The following PAX5 variants were observed in gnomAD, a reference collection of about 807,000 sequenced individuals.
PAX5 encodes the protein paired box 5.
Under a neutral mutation model 43.7 loss-of-function variants are expected in PAX5, and 9 were observed. The observed-to-expected ratio is 0.21, with a 90% CI of 0.12 to 0.36. PAX5 has a LOEUF of 0.36. PAX5 is among the 10% of genes least tolerant of loss of function. The pLI is 1.00. For missense variants in PAX5, 383 were observed against 532.7 expected (o/e 0.72, Z 2.77); for synonymous variants, 228 against 214.3 (o/e 1.06, Z -0.56).
chr9:36,959,192 T>C (rs1833751600), intron 6 of PAX5, among the ~76,000 whole-genome samples: 2 of 152,382 alleles, frequency 1.3e-5, no homozygotes, highest in South Asian at 2.1e-4. Flanking sequence ...CAGACCCTTC[T>C]CATTCTTCTT....
intron 7 of PAX5, among the ~76,000 whole-genome samples, chr9:36,913,406 G>C (rs937000650): frequency 6.6e-6 from 1 of 152,250 alleles, no homozygotes; most frequent in Non-Finnish European, 1.5e-5. Context: ...CAGGCAAAAG[G>C]TCAGGTGGAC....
In PAX5 at chr9:36,882,866, T is replaced by C. The variant is rs763175356; in HGVS notation, c.911-761A>G. Among the ~76,000 whole-genome samples, 4 of 152,228 alleles carry C rather than the reference T, an allele frequency of 2.6e-5. No individual in the cohort carries two copies. The highest frequency in any genetic ancestry group is 5.9e-5 in the Non-Finnish European group (4 of 68,038). Reference sequence around the variant, plus strand: ...TGACCATGAGTCCAGAGTGTCCATGTGTCTCTCAGCTGGGACACTGTCACC... The same window carrying C: ...TGACCATGAGTCCAGAGTGTCCATGCGTCTCTCAGCTGGGACACTGTCACC... On this transcript the variant is annotated intron_variant, in intron 7 of 9. Transcript: ENST00000358127. This position sits in a 1 kb window ranked among gnomAD's most constrained non-coding sequence, Gnocchi z 4.4.
At chr9:36,935,846 G>A (rs1352766812) in intron 6 of PAX5, among the ~76,000 whole-genome samples, 2 of 152,242 alleles carry the variant, frequency 1.3e-5, no homozygotes, top group African/African-American at 4.8e-5. Context: ...GGTCCTGGGT[G>A]TGCTCTCTGG....
chr9:36,928,821 AAAG>A (rs1166964576), intron 6 of PAX5, among the ~76,000 whole-genome samples: 1 of 152,204 alleles, frequency 6.6e-6, no homozygotes, highest in Non-Finnish European at 1.5e-5. Context: ...ACAGCCATAA[AAAG>A]AAGATTGTTT....
At chr9:36,973,145 G>GAAAGA (rs2132234025) in intron 5 of PAX5, among the ~76,000 whole-genome samples, 15 of 109,200 alleles carry the variant, frequency 1.4e-4, no homozygotes, top group African/African-American at 5.1e-4. Flanking sequence ...AAAAGGAAAG[G>GAAAGA]AAAGGAAAGG....
At chr9:36,978,441 G>A (rs1010217268) in intron 5 of PAX5, among the ~76,000 whole-genome samples, 2 of 152,140 alleles carry the variant, frequency 1.3e-5, no homozygotes, top group African/African-American at 4.8e-5. Flanking sequence ...TGGAAGGGAT[G>A]CATACATCCC....
chr9:36,964,835 C>T (rs1253490222), intron 6 of PAX5, among the ~76,000 whole-genome samples: 1 of 152,114 alleles, frequency 6.6e-6, no homozygotes, highest in Non-Finnish European at 1.5e-5. Flanking sequence ...TGCCCAGCAC[C>T]ATAACCATGT....
At chr9:36,945,625 G>A (rs985021867) in intron 6 of PAX5, among the ~76,000 whole-genome samples, 5 of 152,174 alleles carry the variant, frequency 3.3e-5, no homozygotes, top group African/African-American at 1.2e-4. Context: ...TTTAACACAA[G>A]AAACAGATCC....
chr9:36,979,879 G>T (rs917631018), intron 5 of PAX5, among the ~76,000 whole-genome samples: 1 of 152,172 alleles, frequency 6.6e-6, no homozygotes, highest in African/African-American at 2.4e-5. Context: ...ACAGCTCCTT[G>T]TGCAGCTTGG....
intron 5 of PAX5, among the ~76,000 whole-genome samples, chr9:36,976,609 T>G (rs1835449988): frequency 6.8e-6 from 1 of 147,852 alleles, no homozygotes; most frequent in Non-Finnish European, 1.5e-5. Flanking sequence ...AAACTGGGGC[T>G]GCAGACTAAG....
intron 6 of PAX5, among the ~76,000 whole-genome samples, chr9:36,944,536 C>T (rs1832338498): frequency 6.6e-6 from 1 of 152,150 alleles, no homozygotes. Context: ...AGGCCCTCCC[C>T]ACTGCCAGCT....
At chr9:37,029,686 G>A (rs1474474595) in intron 1 of PAX5, among the ~76,000 whole-genome samples, 2 of 152,080 alleles carry the variant, frequency 1.3e-5, no homozygotes, top group Non-Finnish European at 2.9e-5. Flanking sequence ...ACACCTACTG[G>A]AGAGGCGGGA....
chr9:36,842,758 C>G (rs562887275), intron 9 of PAX5, among the ~76,000 whole-genome samples: 1 of 152,302 alleles, frequency 6.6e-6, no homozygotes, highest in African/African-American at 2.4e-5. Context: ...TTGACCGCAG[C>G]CGGCCTTTCT....
chr9:36,881,041 T>C (rs971413639), intron 8 of PAX5, among the ~76,000 whole-genome samples: 1 of 152,202 alleles, frequency 6.6e-6, no homozygotes, highest in Non-Finnish European at 1.5e-5. Flanking sequence ...CATTGCATAT[T>C]TCCAACAGCT....
At chr9:36,881,852 G>A in intron 8 of PAX5, 152 bp downstream of exon 8, 1 of 663,864 alleles carries the variant, frequency 1.5e-6, no homozygotes, top group Non-Finnish European at 2.6e-6. Flanking sequence ...GCCCACTGCA[G>A]GCCCAGCTGC....
chr9:36,961,921 T>A (rs1834013791), intron 6 of PAX5, among the ~76,000 whole-genome samples: 2 of 152,192 alleles, frequency 1.3e-5, no homozygotes, highest in African/African-American at 4.8e-5. Flanking sequence ...GAAAACAGAA[T>A]TGCTTTTTCA....
intron 7 of PAX5, among the ~76,000 whole-genome samples, chr9:36,919,106 C>T (rs1473645062): frequency 6.6e-6 from 1 of 152,146 alleles, no homozygotes; most frequent in Non-Finnish European, 1.5e-5. Flanking sequence ...GCTCCTATAT[C>T]ATTCCAAAAA....
chr9:37,019,307 C>T (rs10814501), intron 2 of PAX5, among the ~76,000 whole-genome samples: 76,988 of 151,984 alleles, frequency 0.51, 20,493 homozygotes, highest in Middle Eastern at 0.76. Context: ...AACAAGAAAA[C>T]CATGTTAATG....
chr9:36,991,436 C>T (rs1836929006), intron 5 of PAX5, among the ~76,000 whole-genome samples: 1 of 152,046 alleles, frequency 6.6e-6, no homozygotes, highest in Admixed American at 6.6e-5. Flanking sequence ...GTGACTTGGC[C>T]AAGGTCACAC....
Sources: gnomAD v4.1 joint callset for allele counts (sites outside exome capture counted in the v4.1 genomes callset) on GRCh38, gnomAD v4.1.1 for gene constraint, Gnocchi (gnomAD v3.1) non-coding constraint, MANE v1.5 for transcripts, NCBI Gene and HGNC (gene_info 2026-07-23, HGNC 2026-07-21) for gene names.